SH3GL2: variants seen among roughly 807,000 people sequenced by gnomAD.
SH3GL2 encodes the protein SH3 domain containing GRB2 like 2, endophilin A1, also known as endophilin-A1.
In SH3GL2, 24 loss-of-function variants were observed where a neutral mutation model predicts 46.0. That is an observed-to-expected ratio of 0.52 (90% CI 0.38 to 0.73). The LOEUF (loss-of-function observed/expected upper bound fraction) is 0.73. Among genes scored for constraint, SH3GL2 ranks in the 30% least tolerant of loss-of-function variants. The pLI is 0.00. For synonymous variants in SH3GL2, 196 were observed against 147.1 expected (o/e 1.33, Z -2.40); for missense variants, 413 against 424.2 (o/e 0.97, Z 0.23).
chr9:17,593,983 T>C (rs1303571101), intron 1 of SH3GL2, among the ~76,000 whole-genome samples: 1 of 152,160 alleles, frequency 6.6e-6, no homozygotes, highest in East Asian at 1.9e-4. Flanking sequence ...GGTAATATGG[T>C]CCTGGGCATG....
chr9:17,581,304 G>C (rs1318420147), intron 1 of SH3GL2, among the ~76,000 whole-genome samples: 4 of 152,262 alleles, frequency 2.6e-5, no homozygotes, highest in African/African-American at 9.6e-5. Context: ...GTTGGAGAAG[G>C]TCGGCATGTG....
At chr9:17,716,695 C>T (rs183882911) in intron 1 of SH3GL2, among the ~76,000 whole-genome samples, 56 of 152,252 alleles carry the variant, frequency 3.7e-4, no homozygotes, top group Admixed American at 3.5e-3. Context: ...CAGTGCAGCT[C>T]TATTCACTCT....
At chr9:17,729,897 G>T (rs1477850735) in intron 1 of SH3GL2, among the ~76,000 whole-genome samples, 1 of 152,162 alleles carries the variant, frequency 6.6e-6, no homozygotes, top group African/African-American at 2.4e-5. Flanking sequence ...GTGGCATGAT[G>T]CCTCCAGCTT....
intron 1 of SH3GL2, among the ~76,000 whole-genome samples, chr9:17,688,396 AGTAAC>A (rs1445767373): frequency 6.6e-6 from 1 of 152,144 alleles, no homozygotes; most frequent in Non-Finnish European, 1.5e-5. Flanking sequence ...ATATAAGAGA[AGTAAC>A]GTACTGTTTA....
chr9:17,722,448 A>C (rs928981522), intron 1 of SH3GL2, among the ~76,000 whole-genome samples: 1 of 152,090 alleles, frequency 6.6e-6, no homozygotes, highest in Non-Finnish European at 1.5e-5. Flanking sequence ...TAGTCACTGC[A>C]TGTTTGCACT....
intron 1 of SH3GL2, among the ~76,000 whole-genome samples, chr9:17,632,177 A>T (rs1441865679): frequency 1.3e-5 from 2 of 152,182 alleles, no homozygotes; most frequent in African/African-American, 4.8e-5. Context: ...TTGTCCTTGA[A>T]TTTAAAAATT....
intron 1 of SH3GL2, among the ~76,000 whole-genome samples, chr9:17,692,784 A>T (rs908750451): frequency 6.6e-6 from 1 of 152,140 alleles, no homozygotes; most frequent in East Asian, 1.9e-4. Flanking sequence ...ACTAGGAACA[A>T]AGAGAGGTTT....
chr9:17,599,473 G>C (rs555249503), intron 1 of SH3GL2, among the ~76,000 whole-genome samples: 1 of 152,214 alleles, frequency 6.6e-6, no homozygotes, highest in Non-Finnish European at 1.5e-5. Flanking sequence ...TAGGCAATAT[G>C]TGTCAATATG....
In SH3GL2 at chr9:17,670,483, T is replaced by G. The variant is rs570396508; in HGVS notation, c.46-76583T>G. ...ATTATAGGGGCTTTTCAGCATGTTT[T>G]AATATCTGGTAGGGCCAATAGCTCC... is the stretch of plus-strand genomic sequence containing the variant. On this transcript the variant is annotated intron_variant, in intron 1 of 8. Transcript: ENST00000380607. Among the ~76,000 whole-genome samples, 23 of 152,340 alleles carry G rather than the reference T, an allele frequency of 1.5e-4. 1 individual carries two copies. In the South Asian group the frequency reaches 4.8e-3, roughly 32 times the overall value.
At position 17,750,959 on chromosome 9, in the gene SH3GL2, G is replaced by T. The variant is rs1191740846; in HGVS notation, c.114+3825G>T. 9.9e-5 allele frequency among the ~76,000 whole-genome samples: 15 copies of T among 152,170 alleles called. 1 individual carries two copies. On this transcript the variant is annotated intron_variant, in intron 2 of 8. Coordinates refer to ENST00000380607, the MANE Select transcript of SH3GL2 (RefSeq NM_003026.5). ...GTTTCCCATGGAATATTCAGGCTGG[G>T]TACATCAGGCTTCCTAGAAGAGAGA... is the stretch of plus-strand genomic sequence containing the variant.
intron 1 of SH3GL2, among the ~76,000 whole-genome samples, chr9:17,675,007 A>C (rs983032845): frequency 5.9e-5 from 9 of 152,186 alleles, no homozygotes; most frequent in African/African-American, 2.2e-4. Flanking sequence ...AGGGGTGTGC[A>C]TACAGGGATG....
At chr9:17,583,115 G>C (rs945016319) in intron 1 of SH3GL2, among the ~76,000 whole-genome samples, 1 of 152,078 alleles carries the variant, frequency 6.6e-6, no homozygotes, top group Admixed American at 6.5e-5. Flanking sequence ...CATAACAGTC[G>C]TTATTTGCAT....
intron 2 of SH3GL2, chr9:17,755,821 T>A: frequency 1.0e-6 from 1 of 976,918 alleles, no homozygotes; most frequent in Non-Finnish European, 1.2e-6. Flanking sequence ...CAACTTTTCT[T>A]CAGGGAAGAA....
At position 17,722,482 on chromosome 9, in the gene SH3GL2, G is replaced by A. The variant is rs540750611; in HGVS notation, c.46-24584G>A. 2.0e-5 allele frequency among the ~76,000 whole-genome samples: 3 copies of A among 151,948 alleles called. No individual in the cohort carries two copies. The East Asian group carries it at 5.8e-4, about 30-fold the overall frequency. ...CTCTAAACCTTTTGTGATTGAGTGT[G>A]GCAATGAGTGTGCAGTAAAATTTTT... On this transcript the variant is annotated intron_variant, in intron 1 of 8. Coordinates refer to ENST00000380607, the MANE Select transcript of SH3GL2 (RefSeq NM_003026.5).
chr9:17,737,533 G>C (rs1486553911), intron 1 of SH3GL2, among the ~76,000 whole-genome samples: 2 of 152,026 alleles, frequency 1.3e-5, no homozygotes, highest in Non-Finnish European at 2.9e-5. Context: ...GAAGCTATCA[G>C]GCTCTGTAAT....
At chr9:17,761,734 G>A (rs1485211025) in intron 3 of SH3GL2, among the ~76,000 whole-genome samples, 1 of 152,014 alleles carries the variant, frequency 6.6e-6, no homozygotes. Context: ...ATCTGACTGT[G>A]GTATATTTAA....
intron 1 of SH3GL2, among the ~76,000 whole-genome samples, chr9:17,630,759 C>T (rs1235188155): frequency 6.6e-6 from 1 of 152,060 alleles, no homozygotes; most frequent in East Asian, 1.9e-4. Flanking sequence ...AATAATGTAG[C>T]CTTTCGAGTC....
At chr9:17,765,421 A>C (rs1200690248) in intron 3 of SH3GL2, among the ~76,000 whole-genome samples, 1 of 152,218 alleles carries the variant, frequency 6.6e-6, no homozygotes, top group Non-Finnish European at 1.5e-5. Flanking sequence ...TATTGAAGTG[A>C]TGACCAAAGT....
chr9:17,769,828 T>G (rs1406654775), intron 3 of SH3GL2, among the ~76,000 whole-genome samples: 1 of 152,234 alleles, frequency 6.6e-6, no homozygotes, highest in African/African-American at 2.4e-5. Context: ...TATTTACTAT[T>G]CGTAATAATG....
Sources: allele counts gnomAD v4.1 joint callset (sites outside exome capture counted in the v4.1 genomes callset), GRCh38; gene constraint gnomAD v4.1.1; transcripts MANE v1.5; gene names NCBI Gene and HGNC (gene_info 2026-07-23, HGNC 2026-07-21).